Variants in PPFIA2 observed in about 807,000 individuals in gnomAD.
PPFIA2 encodes the protein PPFI scaffold protein A2.
In PPFIA2, 46 loss-of-function variants were observed where a neutral mutation model predicts 175.5. The observed-to-expected ratio is 0.26, with a 90% confidence interval of 0.21 to 0.34. The LOEUF (loss-of-function observed/expected upper bound fraction) is 0.34. Among genes scored for constraint, PPFIA2 ranks in the 10% least tolerant of loss-of-function variants. The pLI is 1.00. For missense variants in PPFIA2, 1,179 were observed against 1,506.1 expected (o/e 0.78, Z 3.60); for synonymous variants, 568 against 511.4 (o/e 1.11, Z -1.49).
At chr12:81,450,106 G>T (rs1405070361) in intron 5 of PPFIA2, among the ~76,000 whole-genome samples, 1 of 152,170 alleles carries the variant, frequency 6.6e-6, no homozygotes, top group Non-Finnish European at 1.5e-5. Context: ...ACATAAGTGT[G>T]CATGTGTCTT....
chr12:81,328,818 C>T (rs921120753), intron 21 of PPFIA2, among the ~76,000 whole-genome samples: 1 of 134,672 alleles, frequency 7.4e-6, no homozygotes, highest in Non-Finnish European at 1.6e-5. Context: ...TTCTTTCTTT[C>T]TTTTTTTTTT....
chr12:81,288,618 C>A (rs2044080055), intron 24 of PPFIA2, among the ~76,000 whole-genome samples: 1 of 151,726 alleles, frequency 6.6e-6, no homozygotes, highest in Admixed American at 6.6e-5. Context: ...AGCCAGACCT[C>A]AGAATAATCC....
intron 4 of PPFIA2, among the ~76,000 whole-genome samples, chr12:81,539,942 G>T (rs2065953773): frequency 6.6e-6 from 1 of 151,948 alleles, no homozygotes; most frequent in Non-Finnish European, 1.5e-5. Flanking sequence ...CATTAAATCT[G>T]ATTAAAGAAA....
At chr12:81,635,342 G>A (rs188715251) in intron 4 of PPFIA2, among the ~76,000 whole-genome samples, 9 of 152,186 alleles carry the variant, frequency 5.9e-5, no homozygotes, top group Non-Finnish European at 1.2e-4. Flanking sequence ...TCTATTAAAG[G>A]AATATATACA....
At chr12:81,515,409 A>G (rs553742187) in intron 4 of PPFIA2, among the ~76,000 whole-genome samples, 2 of 152,088 alleles carry the variant, frequency 1.3e-5, no homozygotes, top group South Asian at 4.1e-4. Context: ...CATATTATTT[A>G]TATTGATAAA....
rs1175383952 is a variant in PPFIA2, at chr12:81,263,534, G to C, written c.3556-144C>G. The C allele has an allele frequency of 8.0e-6, 5 of 623,186 alleles. No individual in the cohort carries two copies. In the South Asian group the frequency reaches 1.2e-4, roughly 15 times the overall value. The allele number at this position is 623,186 out of a possible 1,614,324, so 38.6% of individuals were successfully genotyped here. On this transcript the variant is annotated intron_variant, in intron 30 of 32. Coordinates refer to ENST00000549396, the MANE Select transcript of PPFIA2 (RefSeq NM_003625.5). ...TATGGAATCACGCTTTATCAAGATA[G>C]TTAGTTCTATGATTCCAAAACAAGA...
chr12:81,595,672 T>C (rs1387215340), intron 4 of PPFIA2, among the ~76,000 whole-genome samples: 1 of 152,188 alleles, frequency 6.6e-6, no homozygotes, highest in East Asian at 1.9e-4. Context: ...AAAGATGCAA[T>C]GAAGAGCAAG....
intron 26 of PPFIA2, chr12:81,282,751 G>T (rs2042362389): frequency 3.5e-6 from 1 of 287,792 alleles, no homozygotes; most frequent in Non-Finnish European, 6.5e-6. Flanking sequence ...TTAAGTTTTG[G>T]ATCATTCTTT....
At chr12:81,312,157 T>C in intron 22 of PPFIA2, 1 of 1,535,000 alleles carries the variant, frequency 6.5e-7, no homozygotes, top group Non-Finnish European at 8.7e-7. Context: ...TGATTCAACT[T>C]ACCCAGATGT....
intron 4 of PPFIA2, among the ~76,000 whole-genome samples, chr12:81,675,927 T>C (rs1234744047): frequency 6.6e-6 from 1 of 152,030 alleles, no homozygotes; most frequent in Non-Finnish European, 1.5e-5. Context: ...TGATGAAAAT[T>C]AGATAACACC....
At chr12:81,263,613 A>G (rs1335996536) in intron 30 of PPFIA2, among the ~76,000 whole-genome samples, 2 of 152,228 alleles carry the variant, frequency 1.3e-5, no homozygotes, top group African/African-American at 4.8e-5. Flanking sequence ...TACAATTTCA[A>G]ATTTAAGGTC....
chr12:81,612,633 C>T (rs764035258), intron 4 of PPFIA2, among the ~76,000 whole-genome samples: 40 of 152,122 alleles, frequency 2.6e-4, no homozygotes, highest in Non-Finnish European at 4.6e-4. Context: ...ACAGGATATA[C>T]AGGCAAGTGA....
At chr12:81,341,980 T>C (rs2058172085) in intron 19 of PPFIA2, among the ~76,000 whole-genome samples, 1 of 152,030 alleles carries the variant, frequency 6.6e-6, no homozygotes, top group South Asian at 2.1e-4. Flanking sequence ...TTGTGGTTTG[T>C]AAGAAAAAAA....
At chr12:81,354,649 AT>A (rs201943714) in intron 16 of PPFIA2, among the ~76,000 whole-genome samples, 155 of 145,798 alleles carry the variant, frequency 1.1e-3, no homozygotes, top group Middle Eastern at 3.5e-3. Context: ...ATTAAGGTTG[AT>A]TTTTTTTTTT....
intron 8 of PPFIA2, among the ~76,000 whole-genome samples, chr12:81,398,386 C>G (rs2041534715): frequency 6.6e-6 from 1 of 152,064 alleles, no homozygotes; most frequent in South Asian, 2.1e-4. Flanking sequence ...GAAACATGGA[C>G]AGGTTTAAGA....
chr12:81,275,693 T>C (rs567477001), intron 28 of PPFIA2, among the ~76,000 whole-genome samples: 50 of 152,234 alleles, frequency 3.3e-4, no homozygotes, highest in African/African-American at 1.1e-3. Flanking sequence ...TCTTGGATAA[T>C]AGGAAATGTA....
intron 4 of PPFIA2, among the ~76,000 whole-genome samples, chr12:81,583,132 A>G (rs1051353771): frequency 1.5e-4 from 23 of 151,862 alleles, no homozygotes; most frequent in African/African-American, 5.3e-4. Context: ...AGACAGCTAC[A>G]CATCTATGCT....
At chr12:81,512,927 G>A (rs2061971777) in intron 4 of PPFIA2, among the ~76,000 whole-genome samples, 2 of 151,888 alleles carry the variant, frequency 1.3e-5, no homozygotes, top group South Asian at 4.1e-4. Context: ...AAAAGCTTCT[G>A]AACAGAAAAA....
chr12:81,746,310 G>A lies in PPFIA2; in HGVS notation c.249+7663C>T, dbSNP rs1404742169. 1.4e-5 allele frequency among the ~76,000 whole-genome samples: 2 copies of A among 144,430 alleles called. 1 individual carries two copies. Among genetic ancestry groups the A allele is most frequent in the Non-Finnish European group, 3.1e-5 (2 of 64,412 alleles). The allele number at this position is 144,430 out of a possible 152,430, so 94.8% of individuals were successfully genotyped here. A position where few individuals can be genotyped will look rare whatever the true frequency, so the allele number is the denominator to read the frequency against. ...AAAACAAAATATTTAAGAACTAAAA[G>A]AGTATGGTATCATGAAAGTTAAGGG... On this transcript the variant is annotated intron_variant, in intron 3 of 32. Coordinates refer to ENST00000549396, the MANE Select transcript of PPFIA2 (RefSeq NM_003625.5).
Sources: gnomAD v4.1 joint callset for allele counts (sites outside exome capture counted in the v4.1 genomes callset) on GRCh38, gnomAD v4.1.1 for gene constraint, MANE v1.5 for transcripts, NCBI Gene and HGNC (gene_info 2026-07-23, HGNC 2026-07-21) for gene names.